The following NTM variants were observed in gnomAD, a reference collection of about 807,000 sequenced individuals.
NTM encodes the protein neurotrimin, also known as IgLON family member 2.
A neutral mutation model predicts 42.1 loss-of-function variants in NTM; 13 were observed. That is an observed-to-expected ratio of 0.31 (90% CI 0.20 to 0.49). NTM has a LOEUF of 0.49. Ranked by LOEUF, NTM falls within the 20% of genes least tolerant of loss-of-function variation. The pLI is 0.99. For missense variants in NTM, 373 were observed against 452.8 expected (o/e 0.82, Z 1.60); for synonymous variants, 187 against 179.2 (o/e 1.04, Z -0.35).
intron 2 of NTM, among the ~76,000 whole-genome samples, chr11:132,085,460 T>G (rs2059586348): frequency 6.6e-6 from 1 of 152,216 alleles, no homozygotes; most frequent in African/African-American, 2.4e-5. Flanking sequence ...AAGAAGCAGT[T>G]TATAACCTTA....
intron 2 of NTM, among the ~76,000 whole-genome samples, chr11:132,080,223 T>A (rs1471757785): frequency 6.6e-6 from 1 of 152,184 alleles, no homozygotes; most frequent in Non-Finnish European, 1.5e-5. Flanking sequence ...GGCCCTCCCA[T>A]TGAGTAAGCA....
chr11:131,869,473 A>G (rs1374646956), intron 1 of NTM, among the ~76,000 whole-genome samples: 3 of 152,188 alleles, frequency 2.0e-5, no homozygotes, highest in Non-Finnish European at 4.4e-5. Context: ...ATCTGTTAAC[A>G]TTTCACTGGC....
intron 1 of NTM, among the ~76,000 whole-genome samples, chr11:131,725,011 C>G (rs576069916): frequency 6.6e-6 from 1 of 152,148 alleles, no homozygotes; most frequent in Non-Finnish European, 1.5e-5. Context: ...CCAGGGACAA[C>G]AAGTTCAGGC....
chr11:131,731,933 A>G (rs995944376), intron 1 of NTM, among the ~76,000 whole-genome samples: 3 of 152,172 alleles, frequency 2.0e-5, no homozygotes, highest in South Asian at 4.2e-4. Flanking sequence ...TGTACACGCT[A>G]TTGTGTATCT....
intron 1 of NTM, among the ~76,000 whole-genome samples, chr11:131,822,740 G>A (rs2093243945): frequency 6.6e-6 from 1 of 152,076 alleles, no homozygotes; most frequent in Non-Finnish European, 1.5e-5. Flanking sequence ...ATTGCTTAAT[G>A]ATATTCCATA....
intron 3 of NTM, among the ~76,000 whole-genome samples, chr11:132,193,772 G>C (rs1335057009): frequency 6.6e-6 from 1 of 152,000 alleles, no homozygotes; most frequent in African/African-American, 2.4e-5. Context: ...CATCAGAAAT[G>C]ACAAAGGTGA....
chr11:132,008,387 C>T (rs1326087654), intron 2 of NTM, among the ~76,000 whole-genome samples: 1 of 152,090 alleles, frequency 6.6e-6, no homozygotes, highest in Non-Finnish European at 1.5e-5. Flanking sequence ...TGTCAAGTGC[C>T]TAATATAGCT....
chr11:132,305,172 A>G (rs891349813), intron 4 of NTM, among the ~76,000 whole-genome samples: 11 of 152,226 alleles, frequency 7.2e-5, no homozygotes, highest in African/African-American at 2.7e-4. Flanking sequence ...TTGGATGTCC[A>G]TGACAAGTTG....
chr11:131,458,198 G>T (rs937529409), intron 1 of NTM, among the ~76,000 whole-genome samples: 2 of 152,172 alleles, frequency 1.3e-5, no homozygotes, highest in Admixed American at 6.5e-5. Flanking sequence ...GTGGGTTCTT[G>T]GTTTACAGGT....
chr11:131,727,877 T>C (rs2135454514), intron 1 of NTM, among the ~76,000 whole-genome samples: 1 of 152,334 alleles, frequency 6.6e-6, no homozygotes, highest in South Asian at 2.1e-4. Flanking sequence ...TTTTAGAACA[T>C]GATATATAGC....
intron 1 of NTM, among the ~76,000 whole-genome samples, chr11:131,542,315 T>C (rs548635611): frequency 7.1e-4 from 108 of 152,300 alleles, no homozygotes; most frequent in African/African-American, 2.0e-3. Flanking sequence ...CAACACACCA[T>C]GTAGCACCTG....
intron 7 of NTM, among the ~76,000 whole-genome samples, chr11:132,328,571 C>G (rs565785635): frequency 6.6e-6 from 1 of 152,256 alleles, no homozygotes; most frequent in South Asian, 2.1e-4. Flanking sequence ...ATAGTCTCAA[C>G]TGCCAGGTGA....
At chr11:131,424,409 G>A (rs1470109338) in intron 1 of NTM, among the ~76,000 whole-genome samples, 1 of 151,710 alleles carries the variant, frequency 6.6e-6, no homozygotes, top group Non-Finnish European at 1.5e-5. Context: ...AGTTTCTCAG[G>A]GATGTACGAA....
In NTM at chr11:132,307,746, A is replaced by C. The variant is rs1292106434; in HGVS notation, c.584A>C (p.Gln195Pro). 6.2e-7 allele frequency: 1 copy of C among 1,614,218 alleles called. No homozygotes were observed. The highest frequency in any genetic ancestry group is 8.5e-7 in the Non-Finnish European group (1 of 1,180,042). ...GAAATTCAGGGCATCACCAGGGAGC[A>C]GTCAGGGGACTACGAGTGCAGTGCC... is the stretch of plus-strand genomic sequence containing the variant. ...YLEIQGITRE[Q>P]SGDYECSASN... is the part of the protein sequence containing the mutation. The change falls in exon 5 of 9, where the codon CAG becomes CCG. Residue 195 changes from glutamine (Q) to proline (P), a missense_variant. Physicochemically the swap from Gln to Pro is moderately conservative, Grantham distance 76. Transcript: ENST00000683400.
intron 2 of NTM, among the ~76,000 whole-genome samples, chr11:132,093,942 G>A (rs1370030169): frequency 6.6e-6 from 1 of 152,192 alleles, no homozygotes; most frequent in African/African-American, 2.4e-5. Context: ...CTGAGCCAGA[G>A]TAGGCTCCAA....
intron 1 of NTM, among the ~76,000 whole-genome samples, chr11:131,844,342 CT>C (rs1160336113): frequency 2.0e-5 from 3 of 152,024 alleles, no homozygotes; most frequent in Non-Finnish European, 4.4e-5. Flanking sequence ...GTTCATTTGT[CT>C]TTCTGGGGCC....
chr11:131,402,549 G>A (rs1945364034), intron 1 of NTM, among the ~76,000 whole-genome samples: 3 of 152,232 alleles, frequency 2.0e-5, no homozygotes, highest in Admixed American at 1.3e-4. Flanking sequence ...GGGGCCTATA[G>A]GAAAACAGCA....
chr11:131,588,930 C>T (rs2059117414), intron 1 of NTM, among the ~76,000 whole-genome samples: 1 of 152,102 alleles, frequency 6.6e-6, no homozygotes, highest in Non-Finnish European at 1.5e-5. Flanking sequence ...AGAGAAATGG[C>T]ATTAACAGGT....
intron 1 of NTM, among the ~76,000 whole-genome samples, chr11:131,411,291 A>T (rs1946373392): frequency 6.6e-6 from 1 of 152,162 alleles, no homozygotes; most frequent in South Asian, 2.1e-4. Flanking sequence ...TAACCTCCAG[A>T]TTTTCAAAAG....
Sources: gnomAD v4.1 joint callset for allele counts (sites outside exome capture counted in the v4.1 genomes callset) on GRCh38, gnomAD v4.1.1 for gene constraint, MANE v1.5 for transcripts, NCBI Gene and HGNC (gene_info 2026-07-23, HGNC 2026-07-21) for gene names.